Variants in RYR2 observed in about 807,000 individuals in gnomAD.
RYR2 encodes the protein ryanodine receptor 2, also known as cardiac muscle ryanodine receptor-calcium release channel.
Under a neutral mutation model 601.1 loss-of-function variants are expected in RYR2, and 227 were observed. The ratio of observed to expected loss-of-function variants is 0.38; its 90% CI spans 0.34 to 0.42. RYR2 has a LOEUF of 0.42. Ranked by LOEUF, RYR2 falls within the 10% of genes least tolerant of loss-of-function variation. RYR2 has a pLI of 1.00. For synonymous variants in RYR2, 2,223 were observed against 2,175.1 expected (o/e 1.02, Z -0.61); for missense variants, 4,646 against 6,156.5 (o/e 0.75, Z 8.21).
chr1:237,796,866 T>C (rs1302244275), intron 96 of RYR2, among the ~76,000 whole-genome samples: 4 of 151,878 alleles, frequency 2.6e-5, no homozygotes, highest in East Asian at 1.9e-4. Context: ...CTCACTGCAA[T>C]CTCCACCTCC....
intron 1 of RYR2, among the ~76,000 whole-genome samples, chr1:237,058,687 G>C (rs958275746): frequency 6.6e-6 from 1 of 151,638 alleles, no homozygotes. Flanking sequence ...GAGCCAGGGC[G>C]GGCCGGATTA....
At chr1:237,377,076 C>T (rs750792698) in intron 7 of RYR2, among the ~76,000 whole-genome samples, 4 of 152,134 alleles carry the variant, frequency 2.6e-5, no homozygotes, top group African/African-American at 9.7e-5. Flanking sequence ...AAATAAACAT[C>T]GCTTTAAAGC....
At chr1:237,818,952 G>T in intron 100 of RYR2, 84 bp from the exon 101 acceptor site, 1 of 1,211,726 alleles carries the variant, frequency 8.3e-7, no homozygotes. Flanking sequence ...GTGAGGATTA[G>T]GAACTACAGA....
chr1:237,184,105 T>G (rs75486960), intron 1 of RYR2, among the ~76,000 whole-genome samples: 6,824 of 152,244 alleles, frequency 0.045, 496 homozygotes, highest in African/African-American at 0.15. Flanking sequence ...AGCATTGATG[T>G]GTAACCCTTG....
intron 12 of RYR2, among the ~76,000 whole-genome samples, chr1:237,439,749 T>C (rs533564861): frequency 6.6e-6 from 1 of 152,216 alleles, no homozygotes; most frequent in Admixed American, 6.5e-5. Flanking sequence ...ATTTCACAAT[T>C]AATGTTTACG....
chr1:237,325,642 T>C (rs918136468), intron 2 of RYR2, among the ~76,000 whole-genome samples: 13 of 152,028 alleles, frequency 8.6e-5, no homozygotes, highest in Non-Finnish European at 1.6e-4. Flanking sequence ...GAGCCGAGAT[T>C]GTACCACTGC....
At chr1:237,070,130 A>G (rs1271162425) in intron 1 of RYR2, among the ~76,000 whole-genome samples, 1 of 150,994 alleles carries the variant, frequency 6.6e-6, no homozygotes, top group African/African-American at 2.4e-5. Flanking sequence ...TCCCAGGCTC[A>G]AGTGATCCTC....
intron 12 of RYR2, among the ~76,000 whole-genome samples, chr1:237,437,208 C>A (rs1025291670): frequency 2.6e-5 from 4 of 151,762 alleles, no homozygotes; most frequent in Non-Finnish European, 5.9e-5. Context: ...CCACGCTCAG[C>A]TAATTTTTTA....
intron 2 of RYR2, among the ~76,000 whole-genome samples, chr1:237,282,269 T>G (rs576434974): frequency 6.6e-6 from 1 of 152,028 alleles, no homozygotes; most frequent in Non-Finnish European, 1.5e-5. Context: ...GCTTGGACAT[T>G]GCAGTGTGAA....
intron 1 of RYR2, among the ~76,000 whole-genome samples, chr1:237,266,330 T>TTGTGTGTG (rs3056169): frequency 1.5e-4 from 23 of 149,470 alleles, no homozygotes; most frequent in South Asian, 1.1e-3. Context: ...AGAAACTAGA[T>TTGTGTGTG]TGTGTGTGTG....
At chr1:237,322,254 G>A (rs1695695776) in intron 2 of RYR2, among the ~76,000 whole-genome samples, 1 of 152,100 alleles carries the variant, frequency 6.6e-6, no homozygotes, top group African/African-American at 2.4e-5. Context: ...ATAATTAATT[G>A]AATTTGAAGA....
chr1:237,546,103 C>T (rs115436476), intron 25 of RYR2, among the ~76,000 whole-genome samples: 2,025 of 151,532 alleles, frequency 0.013, 24 homozygotes, highest in Non-Finnish European at 0.021. Context: ...AGAAGTCTGT[C>T]GAATACAATG....
At chr1:237,349,588 A>G (rs938922299) in intron 3 of RYR2, among the ~76,000 whole-genome samples, 2 of 152,222 alleles carry the variant, frequency 1.3e-5, no homozygotes, top group African/African-American at 4.8e-5. Flanking sequence ...TGCAATTAAA[A>G]TGCATAACGA....
intron 17 of RYR2, among the ~76,000 whole-genome samples, chr1:237,491,570 C>T (rs772877231): frequency 1.1e-4 from 17 of 152,226 alleles, no homozygotes; most frequent in Non-Finnish European, 2.4e-4. Flanking sequence ...CTCTGCTAAA[C>T]ACCACGTCTC....
chr1:237,445,181 C>CA (rs889303151), intron 13 of RYR2, among the ~76,000 whole-genome samples: 28 of 151,732 alleles, frequency 1.8e-4, no homozygotes, highest in African/African-American at 6.5e-4. Flanking sequence ...GACCCCATCT[C>CA]AAAAAAATGA....
At chr1:237,828,760 C>T (rs10495403) in intron 102 of RYR2, among the ~76,000 whole-genome samples, 6,302 of 152,122 alleles carry the variant, frequency 0.041, 171 homozygotes, top group African/African-American at 0.072. Flanking sequence ...GTGGTGAGTC[C>T]TTTATGGGAG....
At chr1:237,552,141 G>A (rs1379826185) in intron 27 of RYR2, among the ~76,000 whole-genome samples, 2 of 152,056 alleles carry the variant, frequency 1.3e-5, no homozygotes, top group African/African-American at 4.8e-5. Flanking sequence ...CAGAGATGTG[G>A]TACACGCATT....
intron 1 of RYR2, among the ~76,000 whole-genome samples, chr1:237,062,444 CTT>C (rs1035772930): frequency 1.3e-5 from 2 of 152,098 alleles, no homozygotes; most frequent in Non-Finnish European, 2.9e-5. Flanking sequence ...CCATGAAAGA[CTT>C]TGCACATTTT....
chr1:237,697,352 T>A (rs1687554988), intron 63 of RYR2, among the ~76,000 whole-genome samples: 1 of 142,902 alleles, frequency 7.0e-6, no homozygotes, highest in South Asian at 2.1e-4. Flanking sequence ...AGTATATATA[T>A]ATAATATATA....
Sources: allele counts gnomAD v4.1 joint callset (sites outside exome capture counted in the v4.1 genomes callset), GRCh38; gene constraint gnomAD v4.1.1; transcripts MANE v1.5; gene names NCBI Gene and HGNC (gene_info 2026-07-23, HGNC 2026-07-21).